The following RASGRF2 variants were observed in gnomAD, a reference collection of about 807,000 sequenced individuals.
RASGRF2 encodes Ras protein specific guanine nucleotide releasing factor 2.
A neutral mutation model predicts 151.0 loss-of-function variants in RASGRF2; 76 were observed. The observed-to-expected ratio is 0.50, with a 90% confidence interval of 0.42 to 0.61. The LOEUF (loss-of-function observed/expected upper bound fraction) is 0.61, where lower values mean the gene tolerates loss of function less well. RASGRF2 is among the 20% of genes least tolerant of loss of function. RASGRF2 has a pLI of 0.00. For synonymous variants in RASGRF2, 504 were observed against 566.5 expected (o/e 0.89, Z 1.57); for missense variants, 1,148 against 1,564.6 (o/e 0.73, Z 4.49).
chr5:80,981,826 A>G (rs1320082736), intron 1 of RASGRF2, among the ~76,000 whole-genome samples: 1 of 152,134 alleles, frequency 6.6e-6, no homozygotes, highest in Non-Finnish European at 1.5e-5. Context: ...TCGGCCTCCA[A>G]AGTATTCTTT....
At chr5:81,103,128 G>A (rs16878451) in intron 12 of RASGRF2, among the ~76,000 whole-genome samples, 7,740 of 152,072 alleles carry the variant, frequency 0.051, 613 homozygotes, top group African/African-American at 0.17. Context: ...AAAGAACCAC[G>A]TAGAAAAATC....
chr5:81,117,589 C>G (rs56157507), intron 15 of RASGRF2, among the ~76,000 whole-genome samples: 4,741 of 152,274 alleles, frequency 0.031, 236 homozygotes, highest in African/African-American at 0.11. Context: ...AACCATAACA[C>G]TCTGTCCCTT....
At chr5:81,168,898 G>A (rs1173710185) in intron 17 of RASGRF2, among the ~76,000 whole-genome samples, 1 of 152,072 alleles carries the variant, frequency 6.6e-6, no homozygotes, top group African/African-American at 2.4e-5. Flanking sequence ...CTGTCCTCTT[G>A]GGTTCCATGA....
intron 23 of RASGRF2, 150 bp downstream of exon 23, chr5:81,212,713 C>A: frequency 1.4e-6 from 1 of 698,998 alleles, no homozygotes; most frequent in South Asian, 2.1e-5. Flanking sequence ...AATTACAGGG[C>A]TCTTACCACT....
At chr5:81,096,300 G>A (rs1056273482) in intron 12 of RASGRF2, 3 of 152,112 alleles carry the variant, frequency 2.0e-5, no homozygotes, top group Non-Finnish European at 2.9e-5. Flanking sequence ...TCAATTAATA[G>A]CATATTAAGT....
At chr5:81,184,580 C>G (rs565196228) in intron 18 of RASGRF2, among the ~76,000 whole-genome samples, 174 of 152,372 alleles carry the variant, frequency 1.1e-3, no homozygotes, top group African/African-American at 3.8e-3. Context: ...CAGATTACCA[C>G]TGGCGCCATC....
chr5:81,215,670 C>T (rs6859306), intron 23 of RASGRF2, among the ~76,000 whole-genome samples: 12,778 of 152,102 alleles, frequency 0.084, 669 homozygotes, highest in Admixed American at 0.12. Flanking sequence ...GATACAGGCA[C>T]TTCCTCTTCT....
chr5:81,061,099 T>G (rs1751418481), intron 2 of RASGRF2, among the ~76,000 whole-genome samples: 1 of 152,212 alleles, frequency 6.6e-6, no homozygotes, highest in South Asian at 2.1e-4. Flanking sequence ...GCCATTATGT[T>G]ATGACTATTT....
intron 1 of RASGRF2, among the ~76,000 whole-genome samples, chr5:80,984,017 T>C (rs1159873714): frequency 6.6e-6 from 1 of 152,176 alleles, no homozygotes; most frequent in African/African-American, 2.4e-5. Flanking sequence ...AGACTTCTGT[T>C]TTCATGGAGC....
intron 17 of RASGRF2, among the ~76,000 whole-genome samples, chr5:81,136,386 C>G (rs1452200557): frequency 1.3e-5 from 2 of 152,144 alleles, no homozygotes; most frequent in Non-Finnish European, 2.9e-5. Flanking sequence ...TTCTCCTTCA[C>G]TTTTGAAGCA....
chr5:81,060,387 G>A (rs759272807), intron 2 of RASGRF2, among the ~76,000 whole-genome samples: 10 of 152,062 alleles, frequency 6.6e-5, no homozygotes, highest in South Asian at 2.1e-4. Context: ...GCTTCAAGTC[G>A]TTTCTCCAGT....
At chr5:80,988,171 C>A (rs575224338) in intron 1 of RASGRF2, among the ~76,000 whole-genome samples, 3 of 152,140 alleles carry the variant, frequency 2.0e-5, no homozygotes, top group Admixed American at 1.3e-4. Flanking sequence ...CAACCTCAGT[C>A]TCCCAAGCAG....
chr5:81,006,505 TGTAA>T (rs1749273857), intron 1 of RASGRF2, among the ~76,000 whole-genome samples: 1 of 152,212 alleles, frequency 6.6e-6, no homozygotes, highest in South Asian at 2.1e-4. Context: ...GAGATAAGGC[TGTAA>T]GTGTGTCAGA....
chr5:81,053,578 A>G (rs935188194), intron 2 of RASGRF2, among the ~76,000 whole-genome samples: 16 of 152,138 alleles, frequency 1.1e-4, no homozygotes, highest in South Asian at 6.2e-4. Context: ...TAGTGCTGCA[A>G]TAAACATACG....
intron 17 of RASGRF2, among the ~76,000 whole-genome samples, chr5:81,157,095 G>A (rs1293667004): frequency 6.6e-6 from 1 of 152,102 alleles, no homozygotes; most frequent in Non-Finnish European, 1.5e-5. Context: ...GCTGGGCGCG[G>A]TGGCTCACAC....
chr5:80,970,193 G>A (rs1426617092), intron 1 of RASGRF2, among the ~76,000 whole-genome samples: 3 of 152,150 alleles, frequency 2.0e-5, no homozygotes, highest in Non-Finnish European at 4.4e-5. Flanking sequence ...AATCAATTCT[G>A]AGACCCAACA....
At chr5:81,166,685 T>C (rs1454743893) in intron 17 of RASGRF2, among the ~76,000 whole-genome samples, 3 of 151,908 alleles carry the variant, frequency 2.0e-5, no homozygotes, top group African/African-American at 7.3e-5. Flanking sequence ...GGGCTGGTAA[T>C]TGAGGTCAGC....
chr5:81,065,472 C>T (rs1209708857), intron 2 of RASGRF2, among the ~76,000 whole-genome samples: 1 of 152,140 alleles, frequency 6.6e-6, no homozygotes, highest in East Asian at 1.9e-4. Flanking sequence ...TAGGAAGGTG[C>T]CACCCTTTTC....
At chr5:81,156,686 A>G (rs867772444) in intron 17 of RASGRF2, among the ~76,000 whole-genome samples, 33 of 152,354 alleles carry the variant, frequency 2.2e-4, no homozygotes, top group South Asian at 1.9e-3. Flanking sequence ...AGTTTGATAA[A>G]AATGCATCTA....
Sources: gnomAD v4.1 joint callset for allele counts (sites outside exome capture counted in the v4.1 genomes callset) on GRCh38, gnomAD v4.1.1 for gene constraint, MANE v1.5 for transcripts, NCBI Gene and HGNC (gene_info 2026-07-23, HGNC 2026-07-21) for gene names.